Variants in NAE1 observed in about 807,000 individuals in gnomAD.
NAE1 encodes NEDD8-activating enzyme E1 regulatory subunit.
In NAE1, 59 loss-of-function variants were observed where a neutral mutation model predicts 88.0. That is an observed-to-expected ratio of 0.67 (90% CI 0.54 to 0.83). The LOEUF (loss-of-function observed/expected upper bound fraction) is 0.83. Ranked by LOEUF, NAE1 falls within the 40% of genes least tolerant of loss-of-function variation. The pLI is 0.00. For missense variants in NAE1, 554 were observed against 632.8 expected (o/e 0.88, Z 1.34); for synonymous variants, 186 against 208.9 (o/e 0.89, Z 0.95).
At chr16:66,810,596 A>C in intron 14 of NAE1, 101 bp downstream of exon 14, 1 of 1,182,236 alleles carries the variant, frequency 8.5e-7, no homozygotes, top group Non-Finnish European at 1.2e-6. Context: ...AGCTCCCTCT[A>C]AAGAAGCACA....
intron 5 of NAE1, 49 bp downstream of exon 5, chr16:66,823,480 T>C (rs1198152157): frequency 1.3e-6 from 2 of 1,518,652 alleles, no homozygotes; most frequent in Non-Finnish European, 1.8e-6. Flanking sequence ...TTGAATTATT[T>C]AAAAAATTGT....
intron 13 of NAE1, among the ~76,000 whole-genome samples, chr16:66,812,778 C>A (rs1205772400): frequency 6.6e-6 from 1 of 151,224 alleles, no homozygotes; most frequent in South Asian, 2.1e-4. Context: ...CTCGGCCTCC[C>A]GAAGTGGTGG....
At position 66,823,314 on chromosome 16, in the gene NAE1, G is replaced by A. The variant is rs371581704; in HGVS notation, c.322-8C>T. ...TAGAAGGTTTTCTGGACTCTAAACAGGACAGCAAAGAAAAAAACAAACAAA... is the reference window on the plus strand; with the variant it reads ...TAGAAGGTTTTCTGGACTCTAAACAAGACAGCAAAGAAAAAAACAAACAAA... On this transcript the variant is annotated splice_polypyrimidine_tract_variant and splice_region_variant and intron_variant, in intron 5 of 19. Transcript: ENST00000290810. The A allele has an allele frequency of 4.4e-6, 7 of 1,574,842 alleles. No homozygotes were observed. The African/African-American group carries it at 8.3e-5, about 19-fold the overall frequency.
At chr16:66,809,542 A>G (rs962887142) in intron 15 of NAE1, among the ~76,000 whole-genome samples, 2 of 152,196 alleles carry the variant, frequency 1.3e-5, no homozygotes, top group African/African-American at 4.8e-5. Flanking sequence ...GAAATTTTCA[A>G]AAACGCCCCA....
chr16:66,815,541 G>A (rs754428829), intron 11 of NAE1, among the ~76,000 whole-genome samples: 1 of 152,006 alleles, frequency 6.6e-6, no homozygotes, highest in African/African-American at 2.4e-5. Context: ...ATTTTTTGTA[G>A]AGACAAGATC....
chr16:66,818,090 C>T (rs1714540879), intron 8 of NAE1, among the ~76,000 whole-genome samples: 1 of 152,036 alleles, frequency 6.6e-6, no homozygotes. Flanking sequence ...TCCCCTCAAG[C>T]GTTTATCCTT....
chr16:66,803,492 C>T (rs912467686), intron 19 of NAE1, among the ~76,000 whole-genome samples: 4 of 152,112 alleles, frequency 2.6e-5, no homozygotes, highest in Non-Finnish European at 4.4e-5. Flanking sequence ...ATCGCCAGAC[C>T]GCTATATTTA....
chr16:66,820,529 G>A (rs563942674), intron 7 of NAE1, among the ~76,000 whole-genome samples: 4 of 152,244 alleles, frequency 2.6e-5, no homozygotes, highest in Admixed American at 2.0e-4. Context: ...AGGCCAAGGC[G>A]GGTGGATCAC....
Position 66,809,005 on chromosome 16 carries a change from A to C in NAE1, c.1221T>G (p.Ile407Met), listed in dbSNP as rs769819384. ...SLAEEYGLDT[I>M]NKDEIISSMD... Reference sequence around the variant, plus strand: ...TATACTTACTAATTTCATCCTTGTTAATTGTATCCAAACCATATTCTTCAG... The same window carrying C: ...TATACTTACTAATTTCATCCTTGTTCATTGTATCCAAACCATATTCTTCAG... The change falls in exon 16 of 20, where the codon ATT becomes ATG. Residue 407 changes from isoleucine (I) to methionine (M), a missense_variant. Physicochemically the swap from Ile to Met is conservative, Grantham distance 10 (BLOSUM62 1). Transcript: ENST00000290810. 86 of 1,607,686 alleles carry C rather than the reference A, an allele frequency of 5.3e-5. 1 individual carries two copies. The South Asian group carries it at 9.1e-4, about 17-fold the overall frequency.
At position 66,823,241 on chromosome 16, in the gene NAE1, A is replaced by G; in HGVS notation, c.387T>C (p.Thr129=). ...FFCRFTVVVA[T]QLPESTSLRL... is the part of the protein sequence containing the mutation. ...TAAAAATTTACCTTTCAGGAAGCTG[A>G]GTTGCAACTACAACAGTAAACCTAC... The change falls in exon 6 of 20, where the codon ACT becomes ACC. Residue 129 remains threonine (T), a synonymous_variant. Transcript: ENST00000290810. The G allele has an allele frequency of 6.3e-7, 1 of 1,589,830 alleles. No homozygotes were observed. Among genetic ancestry groups the G allele is most frequent in the Non-Finnish European group, 8.5e-7 (1 of 1,169,758 alleles).
chr16:66,810,485 A>G (rs1384405723), intron 14 of NAE1, 72 bp from the exon 15 acceptor site: 13 of 1,373,158 alleles, frequency 9.5e-6, no homozygotes, highest in Non-Finnish European at 1.3e-5. Context: ...GCACAAAGCC[A>G]ATCACTGTGA....
At chr16:66,818,022 C>G (rs568170777) in intron 8 of NAE1, among the ~76,000 whole-genome samples, 1 of 152,122 alleles carries the variant, frequency 6.6e-6, no homozygotes, top group South Asian at 2.1e-4. Flanking sequence ...TGCTTTGATA[C>G]AGGCATGCAA....
chr16:66,828,423 G>A (rs1473535391), intron 1 of NAE1, among the ~76,000 whole-genome samples: 5 of 151,542 alleles, frequency 3.3e-5, no homozygotes, highest in African/African-American at 4.9e-5. Context: ...CGCAGGAGGC[G>A]GAGATTGCAG....
At chr16:66,821,621 AC>A (rs1278706507) in intron 6 of NAE1, 62 bp from the exon 7 acceptor site, 4 of 1,343,106 alleles carry the variant, frequency 3.0e-6, no homozygotes, top group Non-Finnish European at 4.0e-6. Context: ...AAACATGAAA[AC>A]ATGCAAAACA....
At chr16:66,816,514 C>T in intron 11 of NAE1, 67 bp downstream of exon 11, 1 of 1,088,178 alleles carries the variant, frequency 9.2e-7, no homozygotes. Context: ...TATAGTCAAC[C>T]ATTTAATAGC....
rs1013551463 is a variant in NAE1, at chr16:66,810,752, T to C, written c.1055A>G (p.Lys352Arg). ...LQNVYREKAK[K>R]DAAAVGNHVA... ...ATGATTACCCACAGCGGCAGCATCT[T>C]TCTTTGCTTTTTCACGGTAACTAAA... is the stretch of plus-strand genomic sequence containing the variant. The change falls in exon 14 of 20, where the codon AAA becomes AGA. Residue 352 changes from lysine (K) to arginine (R), a missense_variant. Transcript: ENST00000290810. 6.2e-7 allele frequency: 1 copy of C among 1,614,182 alleles called. No individual in the cohort carries two copies. Among genetic ancestry groups the C allele is most frequent in the African/African-American group, 1.3e-5 (1 of 75,068 alleles).
At chr16:66,821,902 C>T (rs542795281) in intron 6 of NAE1, among the ~76,000 whole-genome samples, 5 of 152,298 alleles carry the variant, frequency 3.3e-5, no homozygotes, top group African/African-American at 9.6e-5. Context: ...ATAACCAATT[C>T]TCTGTTGCCC....
intron 6 of NAE1, among the ~76,000 whole-genome samples, chr16:66,822,810 T>C (rs1214702927): frequency 1.3e-5 from 2 of 149,982 alleles, no homozygotes; most frequent in Non-Finnish European, 3.0e-5. Context: ...GCTGGGACTA[T>C]AGGCGTGAGC....
At chr16:66,822,666 A>AT (rs1395972274) in intron 6 of NAE1, among the ~76,000 whole-genome samples, 34 of 146,952 alleles carry the variant, frequency 2.3e-4, no homozygotes, top group South Asian at 7.1e-4. Flanking sequence ...TTATTTATTT[A>AT]TTTATTTATT....
Sources: allele counts gnomAD v4.1 joint callset (sites outside exome capture counted in the v4.1 genomes callset), GRCh38; gene constraint gnomAD v4.1.1; transcripts MANE v1.5; gene names NCBI Gene and HGNC (gene_info 2026-07-23, HGNC 2026-07-21).